Variants in SV2C observed in about 807,000 individuals in gnomAD.
SV2C encodes synaptic vesicle glycoprotein 2C.
A neutral mutation model predicts 79.7 loss-of-function variants in SV2C; 49 were observed. That is an observed-to-expected ratio of 0.61 (90% CI 0.49 to 0.78). The LOEUF is 0.78. Ranked by LOEUF, SV2C falls within the 30% of genes least tolerant of loss-of-function variation. The pLI is 0.00. For missense variants in SV2C, 833 were observed against 912.9 expected (o/e 0.91, Z 1.13); for synonymous variants, 334 against 333.2 (o/e 1.00, Z -0.03).
intron 1 of SV2C, among the ~76,000 whole-genome samples, chr5:76,118,548 A>G (rs1021221639): frequency 6.6e-6 from 1 of 152,184 alleles, no homozygotes; most frequent in Non-Finnish European, 1.5e-5. Context: ...AAATGATAAA[A>G]CACCTTTTTT....
At chr5:76,217,852 C>T (rs113340063) in intron 4 of SV2C, among the ~76,000 whole-genome samples, 1 of 152,170 alleles carries the variant, frequency 6.6e-6, no homozygotes, top group African/African-American at 2.4e-5. Context: ...TCAGAATCCT[C>T]CATTTTTCTG....
the SV2C span, among the ~76,000 whole-genome samples, chr5:76,070,248 T>C: frequency 6.6e-6 from 1 of 152,144 alleles, no homozygotes; most frequent in Non-Finnish European, 1.5e-5. Context: ...GTTCTTTCCA[T>C]TTGCTCCTTT....
At chr5:75,984,121 A>C in the SV2C span, among the ~76,000 whole-genome samples, 1 of 152,058 alleles carries the variant, frequency 6.6e-6, no homozygotes, top group East Asian at 1.9e-4. Context: ...ACCCATATAG[A>C]ACTAAATAAA....
Position 76,128,496 on chromosome 5 carries a change from A to T in SV2C, c.-101-3154A>T, listed in dbSNP as rs1453178990. 5.3e-5 allele frequency among the ~76,000 whole-genome samples: 8 copies of T among 152,316 alleles called. No homozygotes were observed. The East Asian group carries it at 1.5e-3, about 29-fold the overall frequency. On this transcript the variant is annotated intron_variant, in intron 1 of 12. Transcript: ENST00000502798. ...TCAGTGAGACCACTGGGTGAGGCAG[A>T]TGAAGATAAGGGGTAAGGCTTTGGG...
the SV2C span, among the ~76,000 whole-genome samples, chr5:75,876,851 C>A: frequency 2.6e-5 from 4 of 151,384 alleles, no homozygotes; most frequent in Non-Finnish European, 4.4e-5. Context: ...AAATAGTTAC[C>A]TAAGGAAAAA....
At chr5:75,857,241 G>A in the SV2C span, among the ~76,000 whole-genome samples, 3 of 152,118 alleles carry the variant, frequency 2.0e-5, no homozygotes, top group Non-Finnish European at 4.4e-5. Context: ...ACAGGTGTGA[G>A]CCACCGCGCC....
chr5:75,962,594 T>C, the SV2C span, among the ~76,000 whole-genome samples: 1 of 152,110 alleles, frequency 6.6e-6, no homozygotes, highest in African/African-American at 2.4e-5. Flanking sequence ...AACCCACTGG[T>C]TTACATCATC....
the SV2C span, among the ~76,000 whole-genome samples, chr5:75,999,415 T>A: frequency 8.4e-6 from 1 of 118,578 alleles, no homozygotes; most frequent in East Asian, 3.0e-4. Context: ...GAGAGAATGA[T>A]TGTGAGAAAT....
rs34391310 is a variant in SV2C, at chr5:76,343,811, A to AGG, written c.2001-9318_2001-9317dup. Reference sequence around the variant, plus strand: ...CCTTTCATGTGGATCGCTTGAGCCCAGGAGTTCAAGACCAGCATAGGCAAC... The same window carrying AGG: ...CCTTTCATGTGGATCGCTTGAGCCCAGGGGAGTTCAAGACCAGCATAGGCAAC... On this transcript the variant is annotated intron_variant, in intron 12 of 12. Transcript: ENST00000322285. 7.2e-5 allele frequency among the ~76,000 whole-genome samples: 11 copies of AGG among 152,340 alleles called. No individual in the cohort carries two copies. The South Asian group carries it at 2.3e-3, about 32-fold the overall frequency.
the SV2C span, among the ~76,000 whole-genome samples, chr5:75,855,658 C>A: frequency 1.3e-5 from 2 of 151,932 alleles, no homozygotes; most frequent in Non-Finnish European, 2.9e-5. Flanking sequence ...AAATTTTTAA[C>A]TTTAATTTTT....
At chr5:75,904,571 G>C in the SV2C span, among the ~76,000 whole-genome samples, 1 of 152,094 alleles carries the variant, frequency 6.6e-6, no homozygotes, top group Admixed American at 6.5e-5. Flanking sequence ...TCCATGTGGG[G>C]AGTAAATGTA....
Position 76,194,984 on chromosome 5 carries a change from G to T in SV2C, c.646G>T (p.Gly216Ter). ...FFWGGLADKVGRKQSLLICMS... is the reference protein window; with the variant it reads ...FFWGGLADKV ...CTGGGGAGGACTGGCAGACAAAGTG[G>T]GAAGGAAACAGTCTCTTCTGATTTG... Residue 216 changes from glycine (G) to a stop codon, truncating the protein, a stop_gained, in exon 3 of 13, where the codon GGA becomes TGA. Transcript: ENST00000502798. LOFTEE classifies it high-confidence loss of function. 1 of 1,614,058 alleles carries T rather than the reference G, an allele frequency of 6.2e-7. No homozygotes were observed. The highest frequency in any genetic ancestry group is 8.5e-7 in the Non-Finnish European group (1 of 1,179,970).
the SV2C span, among the ~76,000 whole-genome samples, chr5:75,922,626 C>T: frequency 6.6e-6 from 1 of 152,306 alleles, no homozygotes; most frequent in East Asian, 1.9e-4. Context: ...CTGTCTTTCC[C>T]AGGTTCCCTA....
At chr5:76,023,328 T>A in the SV2C span, among the ~76,000 whole-genome samples, 1 of 152,138 alleles carries the variant, frequency 6.6e-6, no homozygotes, top group African/African-American at 2.4e-5. Context: ...TGCAAAGACT[T>A]AAATAGGAAG....
downstream of SV2C, among the ~76,000 whole-genome samples, chr5:76,338,698 C>T (rs1037190173): frequency 6.6e-6 from 1 of 150,608 alleles, no homozygotes; most frequent in Non-Finnish European, 1.5e-5. Flanking sequence ...CACTCTGTCA[C>T]CCAGGCTGGA....
chr5:76,003,012 G>C, the SV2C span, among the ~76,000 whole-genome samples: 150 of 152,120 alleles, frequency 9.9e-4, no homozygotes, highest in African/African-American at 3.4e-3. Flanking sequence ...TGAATCATGG[G>C]GGTTGTTTCC....
the SV2C span, among the ~76,000 whole-genome samples, chr5:75,851,583 A>C: frequency 6.6e-6 from 1 of 151,978 alleles, no homozygotes; most frequent in Non-Finnish European, 1.5e-5. Flanking sequence ...GATTACAAGA[A>C]AGAAAAGTCT....
chr5:76,027,226 T>C, the SV2C span, among the ~76,000 whole-genome samples: 1 of 151,944 alleles, frequency 6.6e-6, no homozygotes, highest in Non-Finnish European at 1.5e-5. Context: ...CACTCCCAGC[T>C]AATTTTTGTA....
chr5:76,333,280 T>C lies in SV2C; in HGVS notation c.*7733T>C, dbSNP rs1327958269. 6.6e-6 allele frequency: 1 copy of C among 152,256 alleles called. No homozygotes were observed. Among genetic ancestry groups the C allele is most frequent in the Non-Finnish European group, 1.5e-5 (1 of 68,042 alleles). 9.4% of individuals were successfully genotyped at this position (152,256 alleles called of 1,614,324 possible). On this transcript the variant is annotated 3_prime_UTR_variant, in exon 13 of 13. Transcript: ENST00000502798. ...CAGAAGAAAAAAGAAATGTCTTTTT[T>C]AATATACACTTTCTTAGCATCCATG...
Sources: gnomAD v4.1 joint callset for allele counts (sites outside exome capture counted in the v4.1 genomes callset) on GRCh38, gnomAD v4.1.1 for gene constraint, MANE v1.5 for transcripts, NCBI Gene and HGNC (gene_info 2026-07-23, HGNC 2026-07-21) for gene names.